PPEF1: variants seen among roughly 807,000 people sequenced by gnomAD.
PPEF1 encodes the protein serine/threonine-protein phosphatase with EF-hands 1.
Under a neutral mutation model 53.3 loss-of-function variants are expected in PPEF1, and 12 were observed. The ratio of observed to expected loss-of-function variants is 0.23; its 90% confidence interval spans 0.14 to 0.36. The LOEUF is 0.36. Ranked by LOEUF, PPEF1 falls within the 10% of genes least tolerant of loss-of-function variation. The pLI is 1.00. For synonymous variants in PPEF1, 165 were observed against 176.7 expected (o/e 0.93, Z 0.52); for missense variants, 334 against 490.4 (o/e 0.68, Z 3.01).
chrX:18,703,880 CT>C, upstream of PPEF1, among the ~76,000 whole-genome samples: 1 of 102,283 alleles, frequency 9.8e-6, no homozygotes, highest in African/African-American at 3.6e-5. Context: ...ATGCTCAATT[CT>C]TTTTTTCCCC....
chrX:18,821,390 TA>T (rs919170774), intron 13 of PPEF1, among the ~76,000 whole-genome samples: 22 of 106,606 alleles, frequency 2.1e-4, no homozygotes, highest in Middle Eastern at 4.8e-3. Flanking sequence ...ATTAACAAAG[TA>T]AAAAAAAAAA....
At chrX:18,825,953 T>TCTTACCAATGAAGG in intron 15 of PPEF1, 118 bp downstream of exon 15, 1 of 468,814 alleles carries the variant, frequency 2.1e-6, no homozygotes, top group Non-Finnish European at 3.5e-6. Flanking sequence ...GACACCTTCA[T>TCTTACCAATGAAGG]TGGTAAGATG....
chrX:18,683,129 C>G (rs1247050776), intron 1 of PPEF1, among the ~76,000 whole-genome samples: 1 of 111,587 alleles, frequency 9.0e-6, no homozygotes, highest in African/African-American at 3.3e-5. Flanking sequence ...CCCTCCGGGT[C>G]CCTCCCACGA....
At chrX:18,770,718 A>G (rs2045856652) in intron 6 of PPEF1, among the ~76,000 whole-genome samples, 1 of 112,079 alleles carries the variant, frequency 8.9e-6, no homozygotes, top group Admixed American at 9.5e-5. Context: ...GTAGCAAAGA[A>G]TTTACCCACA....
chrX:18,675,308 C>G (rs1928633642), upstream of PPEF1, among the ~76,000 whole-genome samples: 1 of 113,752 alleles, frequency 8.8e-6, no homozygotes, highest in Admixed American at 9.1e-5. Context: ...CCGGCAGCTT[C>G]CTCCGCCCGC....
intron 12 of PPEF1, among the ~76,000 whole-genome samples, chrX:18,811,608 TATATA>T (rs2046808620): frequency 5.9e-5 from 1 of 17,073 alleles, no homozygotes; most frequent in Admixed American, 4.9e-4. Flanking sequence ...TATATATATA[TATATA>T]TATTTTTTTT....
intron 10 of PPEF1, among the ~76,000 whole-genome samples, chrX:18,801,304 C>G (rs2046541065): frequency 9.0e-6 from 1 of 111,524 alleles, no homozygotes; most frequent in Admixed American, 9.6e-5. Context: ...TCCAGGGTAG[C>G]TCTCCTGCCA....
chrX:18,699,934 AT>A (rs1929962882), intron 5 of PPEF1: 1 of 112,487 alleles, frequency 8.9e-6, no homozygotes, highest in Non-Finnish European at 1.9e-5. Context: ...TCTCTTTTCT[AT>A]TTTGTATTGA....
chrX:18,711,610 A>T (rs763763727), intron 1 of PPEF1, among the ~76,000 whole-genome samples: 3 of 111,235 alleles, frequency 2.7e-5, no homozygotes, highest in African/African-American at 9.8e-5. Flanking sequence ...TGTTTGTTGA[A>T]AAGATTGTTC....
In PPEF1 at chrX:18,757,618, C is replaced by T. The variant is rs763415939; in HGVS notation, c.397-9C>T. On this transcript the variant is annotated splice_polypyrimidine_tract_variant and intron_variant, in intron 4 of 15. Transcript: ENST00000470157. ...CATTACATCTATTTCCTCTGCTTCC[C>T]GCTCACAGATACTTCATGCCCATTA... 1.1e-4 allele frequency: 126 copies of T among 1,160,465 alleles called. 4 individuals are homozygous for T. In the South Asian group the frequency reaches 2.0e-3, roughly 18 times the overall value.
At chrX:18,788,152 T>TA (rs755245695) in intron 9 of PPEF1, among the ~76,000 whole-genome samples, 1 of 109,249 alleles carries the variant, frequency 9.2e-6, no homozygotes, top group Non-Finnish European at 1.9e-5. Flanking sequence ...CCGTCTCTTC[T>TA]AAAAAATAGA....
intron 10 of PPEF1, among the ~76,000 whole-genome samples, chrX:18,795,869 C>T (rs1005536403): frequency 2.7e-5 from 3 of 112,070 alleles, no homozygotes; most frequent in Middle Eastern, 4.6e-3. Context: ...TTGGACTCTA[C>T]GCTTCTCATT....
intron 10 of PPEF1, among the ~76,000 whole-genome samples, chrX:18,794,527 G>A (rs757039652): frequency 1.2e-4 from 14 of 112,961 alleles, no homozygotes; most frequent in African/African-American, 4.2e-4. Flanking sequence ...AAGTGGGGTA[G>A]TAGGCAGGGA....
chrX:18,748,624 T>G (rs1447385017), intron 3 of PPEF1, among the ~76,000 whole-genome samples: 1 of 112,285 alleles, frequency 8.9e-6, no homozygotes, highest in Non-Finnish European at 1.9e-5. Context: ...CAGGTTTGAT[T>G]AGGCAGTTTT....
chrX:18,820,161 T>C (rs935632643), intron 13 of PPEF1, among the ~76,000 whole-genome samples: 2 of 111,872 alleles, frequency 1.8e-5, no homozygotes, highest in Middle Eastern at 4.7e-3. Context: ...TAAGGAAGTA[T>C]ATATTACTAG....
At chrX:18,807,352 A>G (rs1038984311) in intron 12 of PPEF1, among the ~76,000 whole-genome samples, 1 of 111,870 alleles carries the variant, frequency 8.9e-6, no homozygotes, top group African/African-American at 3.2e-5. Flanking sequence ...ACATTATAGA[A>G]CTAACATGTT....
chrX:18,788,082 C>A (rs771556850), intron 9 of PPEF1, among the ~76,000 whole-genome samples: 1 of 111,406 alleles, frequency 9.0e-6, no homozygotes, highest in African/African-American at 3.3e-5. Flanking sequence ...TTTGGGAGGC[C>A]AAGGCGGGCG....
chrX:18,823,509 C>T (rs968573574), intron 13 of PPEF1, among the ~76,000 whole-genome samples: 21 of 109,447 alleles, frequency 1.9e-4, no homozygotes, highest in African/African-American at 6.3e-4. Context: ...CACCTGTAAT[C>T]CCAGATACTT....
chrX:18,700,823 G>T (rs1367321791), intron 6 of PPEF1, among the ~76,000 whole-genome samples: 1 of 111,977 alleles, frequency 8.9e-6, no homozygotes, highest in African/African-American at 3.3e-5. Flanking sequence ...AGTTCCCTTG[G>T]CGTCTTGTCG....
Sources: gnomAD v4.1 joint callset for allele counts (sites outside exome capture counted in the v4.1 genomes callset) on GRCh38, gnomAD v4.1.1 for gene constraint, MANE v1.5 for transcripts, NCBI Gene and HGNC (gene_info 2026-07-23, HGNC 2026-07-21) for gene names.